RTN1: variants seen among roughly 807,000 people sequenced by gnomAD.
RTN1 encodes reticulon-1.
A neutral mutation model predicts 65.5 loss-of-function variants in RTN1; 25 were observed. The ratio of observed to expected loss-of-function variants is 0.38; its 90% CI spans 0.28 to 0.53. The LOEUF is 0.53. Ranked by LOEUF, RTN1 falls within the 20% of genes least tolerant of loss-of-function variation. The probability of loss-of-function intolerance (pLI) is 0.79; values close to 1 mark genes in which losing one functional copy is unlikely to be tolerated. For synonymous variants in RTN1, 471 were observed against 447.6 expected (o/e 1.05, Z -0.66); for missense variants, 983 against 1,025.4 (o/e 0.96, Z 0.57).
At chr14:59,675,995 G>A (rs1361877810) in intron 3 of RTN1, among the ~76,000 whole-genome samples, 1 of 152,026 alleles carries the variant, frequency 6.6e-6, no homozygotes, top group East Asian at 1.9e-4. Flanking sequence ...GCTGTGTTAG[G>A]TACCACTCTG....
intron 3 of RTN1, among the ~76,000 whole-genome samples, chr14:59,673,519 A>G (rs1883555731): frequency 6.6e-6 from 1 of 152,218 alleles, no homozygotes. Flanking sequence ...AAAGCTCTCA[A>G]CTGCGAGAGG....
chr14:59,757,645 G>A (rs1018132992), intron 1 of RTN1, among the ~76,000 whole-genome samples: 23 of 152,110 alleles, frequency 1.5e-4, no homozygotes, highest in Admixed American at 3.9e-4. Context: ...CCAAGGGAGC[G>A]CCTTTGTTTC....
chr14:59,638,432 G>A (rs746627949), intron 3 of RTN1, among the ~76,000 whole-genome samples: 5 of 152,088 alleles, frequency 3.3e-5, no homozygotes, highest in Non-Finnish European at 7.4e-5. Context: ...TAAATTTATT[G>A]AGCATAGACA....
At chr14:59,746,635 T>A (rs1377057309) in intron 1 of RTN1, among the ~76,000 whole-genome samples, 154 bp from the exon 2 acceptor site, 1 of 152,138 alleles carries the variant, frequency 6.6e-6, no homozygotes, top group East Asian at 1.9e-4. Flanking sequence ...AGCACCAGCA[T>A]GTTAAATTTC....
intron 1 of RTN1, among the ~76,000 whole-genome samples, chr14:59,773,847 T>C (rs1281514982): frequency 6.6e-6 from 1 of 152,124 alleles, no homozygotes; most frequent in South Asian, 2.1e-4. Flanking sequence ...GAAAAAGACA[T>C]GAGACAGAAA....
chr14:59,600,214 C>T (rs149037076), intron 8 of RTN1, among the ~76,000 whole-genome samples: 107 of 152,240 alleles, frequency 7.0e-4, no homozygotes, highest in Non-Finnish European at 8.4e-4. Flanking sequence ...CAATCTGGGA[C>T]TGTCCTCTAC....
intron 3 of RTN1, among the ~76,000 whole-genome samples, chr14:59,632,416 C>T (rs997399409): frequency 2.0e-5 from 3 of 152,106 alleles, no homozygotes; most frequent in African/African-American, 4.8e-5. Context: ...TGATCAGCAC[C>T]GACTTCTCAC....
At chr14:59,700,684 T>TTCTA (rs1247803261) in intron 3 of RTN1, among the ~76,000 whole-genome samples, 1 of 152,114 alleles carries the variant, frequency 6.6e-6, no homozygotes, top group Non-Finnish European at 1.5e-5. Context: ...AAAGTTGAGC[T>TTCTA]TCTATCTCAT....
chr14:59,698,257 G>C (rs180771082), intron 3 of RTN1, among the ~76,000 whole-genome samples: 1 of 152,190 alleles, frequency 6.6e-6, no homozygotes, highest in East Asian at 1.9e-4. Flanking sequence ...TGAACCTTTT[G>C]TACAGTTAGT....
intron 3 of RTN1, among the ~76,000 whole-genome samples, chr14:59,632,482 T>A (rs774777546): frequency 6.6e-6 from 1 of 152,190 alleles, no homozygotes; most frequent in Non-Finnish European, 1.5e-5. Context: ...AGGGGTTGCC[T>A]GGTGGGCTTT....
At chr14:59,634,420 AGTTTGGCACATAACCCACT>A (rs1488538866) in intron 3 of RTN1, among the ~76,000 whole-genome samples, 3 of 152,216 alleles carry the variant, frequency 2.0e-5, no homozygotes, top group Admixed American at 1.3e-4. Context: ...AAAGGCAACC[AGTTTGGCACATAACCCACT>A]GTAGCAGAAT....
intron 3 of RTN1, chr14:59,610,052 G>A: frequency 1.3e-6 from 1 of 747,006 alleles, no homozygotes; most frequent in Non-Finnish European, 2.5e-6. Flanking sequence ...CCTGAAAGGA[G>A]TTTTCAGACA....
intron 1 of RTN1, among the ~76,000 whole-genome samples, chr14:59,866,186 AG>A (rs1408533880): frequency 2.6e-5 from 4 of 152,210 alleles, no homozygotes; most frequent in Non-Finnish European, 5.9e-5. Flanking sequence ...CACATGTTTT[AG>A]GAAGTCATGA....
chr14:59,631,809 G>A (rs1052750603), intron 3 of RTN1, among the ~76,000 whole-genome samples: 2 of 152,124 alleles, frequency 1.3e-5, no homozygotes, highest in African/African-American at 4.8e-5. Flanking sequence ...TGGAGACCAC[G>A]GGAGCATACA....
chr14:59,854,639 CAAAAAAAAAAAAAAA>C (rs552017689), intron 1 of RTN1, among the ~76,000 whole-genome samples: 2 of 71,788 alleles, frequency 2.8e-5, no homozygotes, highest in Admixed American at 1.8e-4. Context: ...GACTGCGTCT[CAAAAAAAAAAAAAAA>C]AAAAAAAAAA....
At chr14:59,661,259 CAAAA>C (rs768483248) in intron 3 of RTN1, among the ~76,000 whole-genome samples, 3 of 83,400 alleles carry the variant, frequency 3.6e-5, no homozygotes, top group South Asian at 5.0e-4. Flanking sequence ...GCCTACCAAC[CAAAA>C]AAAAAAAAAA....
intron 3 of RTN1, among the ~76,000 whole-genome samples, chr14:59,709,593 C>A (rs183228620): frequency 6.6e-6 from 1 of 152,140 alleles, no homozygotes; most frequent in Non-Finnish European, 1.5e-5. Flanking sequence ...CAAGTTGTTA[C>A]AAGAAACCTC....
chr14:59,623,589 A>G (rs751990931), intron 3 of RTN1, among the ~76,000 whole-genome samples: 22 of 152,240 alleles, frequency 1.4e-4, no homozygotes, highest in Admixed American at 5.2e-4. Flanking sequence ...GGTTGTCTTC[A>G]TGTACTATTT....
At chr14:59,845,224 T>C (rs1187085994) in intron 1 of RTN1, among the ~76,000 whole-genome samples, 1 of 152,194 alleles carries the variant, frequency 6.6e-6, no homozygotes, top group East Asian at 1.9e-4. Flanking sequence ...CAATACTCTT[T>C]ATAACCATTA....
Sources: gnomAD v4.1 joint callset for allele counts (sites outside exome capture counted in the v4.1 genomes callset) on GRCh38, gnomAD v4.1.1 for gene constraint, MANE v1.5 for transcripts, NCBI Gene and HGNC (gene_info 2026-07-23, HGNC 2026-07-21) for gene names.